Variants in GRB10 observed in about 807,000 individuals in gnomAD.
GRB10 encodes the protein growth factor receptor bound protein 10, also known as growth factor receptor-bound protein 10.
A neutral mutation model predicts 80.9 loss-of-function variants in GRB10; 20 were observed. That is an observed-to-expected ratio of 0.25 (90% confidence interval 0.17 to 0.36). The LOEUF (loss-of-function observed/expected upper bound fraction) is 0.36. GRB10 is among the 10% of genes least tolerant of loss of function. GRB10 has a pLI of 1.00. For synonymous variants in GRB10, 291 were observed against 291.5 expected, an observed-to-expected ratio of 1.00 and a Z score of 0.02; for missense variants, 548 against 747.7, an observed-to-expected ratio of 0.73 and a Z score of 3.12.
chr7:50,595,602 T>TTTACACACACACACAC, intron 17 of GRB10, 72 bp from the exon 18 acceptor site: 2 of 560,268 alleles, frequency 3.6e-6, no homozygotes, highest in East Asian at 7.8e-5. Context: ...CACACTCTCT[T>TTTACACACACACACAC]ACACACACAC....
intron 2 of GRB10, among the ~76,000 whole-genome samples, chr7:50,762,768 A>G (rs2075899185): frequency 6.6e-6 from 1 of 152,228 alleles, no homozygotes; most frequent in Non-Finnish European, 1.5e-5. Context: ...CCTAGAAGCC[A>G]TGAAGAAAAA....
At chr7:50,666,083 G>A (rs767156614) in intron 7 of GRB10, among the ~76,000 whole-genome samples, 2 of 152,210 alleles carry the variant, frequency 1.3e-5, no homozygotes, top group Non-Finnish European at 2.9e-5. Flanking sequence ...GATCCCCAGG[G>A]AGAGGACGCA....
chr7:50,738,490 G>A (rs181459377), intron 3 of GRB10, among the ~76,000 whole-genome samples: 6 of 152,310 alleles, frequency 3.9e-5, no homozygotes, highest in Non-Finnish European at 8.8e-5. Context: ...TCAGGCTGGA[G>A]AGCAGTGGTG....
At chr7:50,641,847 G>A (rs369601237) in intron 7 of GRB10, among the ~76,000 whole-genome samples, 3 of 152,326 alleles carry the variant, frequency 2.0e-5, no homozygotes, top group African/African-American at 7.2e-5. Context: ...GTGGCCTGAG[G>A]ATTTACCGTG....
intron 5 of GRB10, among the ~76,000 whole-genome samples, chr7:50,679,695 G>T (rs925727153): frequency 6.6e-6 from 1 of 152,118 alleles, no homozygotes; most frequent in Non-Finnish European, 1.5e-5. Context: ...AGCTGGGGTG[G>T]GGGTATATCA....
intron 10 of GRB10, among the ~76,000 whole-genome samples, 178 bp from the exon 11 acceptor site, chr7:50,616,525 A>G (rs1217073363): frequency 1.3e-5 from 2 of 152,232 alleles, no homozygotes; most frequent in African/African-American, 2.4e-5. Context: ...TGCATAGAAC[A>G]TAATTCGTAT....
At chr7:50,651,961 G>A (rs552049447) in intron 7 of GRB10, among the ~76,000 whole-genome samples, 1 of 152,304 alleles carries the variant, frequency 6.6e-6, no homozygotes, top group Admixed American at 6.5e-5. Flanking sequence ...ACCCTCACTG[G>A]ACGCCCAGCC....
At chr7:50,687,339 G>A (rs2062220125) in intron 5 of GRB10, among the ~76,000 whole-genome samples, 1 of 152,224 alleles carries the variant, frequency 6.6e-6, no homozygotes, top group Non-Finnish European at 1.5e-5. Context: ...GACCATGCCA[G>A]GCCTCCCTGC....
chr7:50,748,775 A>G (rs2073507607), intron 3 of GRB10, among the ~76,000 whole-genome samples: 1 of 152,206 alleles, frequency 6.6e-6, no homozygotes, highest in Non-Finnish European at 1.5e-5. Flanking sequence ...GGGCAATGAT[A>G]TCCATCTTGA....
chr7:50,788,765 G>A (rs1222376735), intron 1 of GRB10, among the ~76,000 whole-genome samples: 1 of 152,174 alleles, frequency 6.6e-6, no homozygotes, highest in Non-Finnish European at 1.5e-5. Context: ...CATCCCAGGG[G>A]CACATCAGCC....
rs11388561 is a variant in GRB10 at position 50,770,761 on chromosome 7, A to ATT, written c.-217+9864_-217+9865dup. Reference sequence around the variant, plus strand: ...AGTACAAAACAATGACACTCTTCCCATTTTTTTTGTTTTTGAAAATACAGC... The same window carrying ATT: ...AGTACAAAACAATGACACTCTTCCCATTTTTTTTTTGTTTTTGAAAATACAGC... On this transcript the variant is annotated intron_variant, in intron 2 of 18. Transcript: ENST00000401949. 2.0e-4 allele frequency among the ~76,000 whole-genome samples: 31 copies of ATT among 151,796 alleles called. No homozygotes were observed. The East Asian group carries it at 2.9e-3, about 14-fold the overall frequency.
intron 4 of GRB10, among the ~76,000 whole-genome samples, chr7:50,713,545 T>G (rs1163695163): frequency 8.0e-6 from 1 of 125,262 alleles, no homozygotes; most frequent in Non-Finnish European, 1.7e-5. Flanking sequence ...CTCTGCTACC[T>G]CTATCACCTC....
At chr7:50,790,875 A>G (rs1402801526) in intron 1 of GRB10, among the ~76,000 whole-genome samples, 1 of 152,248 alleles carries the variant, frequency 6.6e-6, no homozygotes, top group Non-Finnish European at 1.5e-5. Context: ...TATAGCCTGT[A>G]CCCGGAAAGA....
intron 3 of GRB10, among the ~76,000 whole-genome samples, chr7:50,753,552 A>AT (rs1212590187): frequency 6.6e-6 from 1 of 152,170 alleles, no homozygotes; most frequent in Non-Finnish European, 1.5e-5. Flanking sequence ...ACCATGCCTC[A>AT]TTCAATACCT....
intron 2 of GRB10, among the ~76,000 whole-genome samples, chr7:50,756,597 C>T (rs1178556032): frequency 6.6e-6 from 1 of 152,222 alleles, no homozygotes. Flanking sequence ...GGTTCCAATT[C>T]TGGCTCTGAT....
At chr7:50,741,177 A>T (rs2071669357) in intron 3 of GRB10, among the ~76,000 whole-genome samples, 1 of 152,230 alleles carries the variant, frequency 6.6e-6, no homozygotes, top group Non-Finnish European at 1.5e-5. Context: ...AAACGAGGAA[A>T]ACTAGTTGTT....
At chr7:50,777,351 CTCT>C (rs2077771081) in intron 2 of GRB10, among the ~76,000 whole-genome samples, 1 of 151,764 alleles carries the variant, frequency 6.6e-6, no homozygotes. Context: ...AAGGCCCCAC[CTCT>C]TAATAACATC....
intron 7 of GRB10, among the ~76,000 whole-genome samples, chr7:50,657,528 G>A (rs1472101949): frequency 6.6e-5 from 10 of 152,084 alleles, no homozygotes; most frequent in Non-Finnish European, 1.5e-4. Flanking sequence ...AAATCTTTTC[G>A]GGGATTTCCT....
intron 12 of GRB10, 57 bp downstream of exon 12, chr7:50,614,713 G>A (rs2050216598): frequency 1.9e-6 from 2 of 1,037,164 alleles, no homozygotes; most frequent in Admixed American, 3.4e-5. Context: ...AAGAGAAGAA[G>A]TCAGTCTCCT....
Sources: allele counts gnomAD v4.1 joint callset (sites outside exome capture counted in the v4.1 genomes callset), GRCh38; gene constraint gnomAD v4.1.1; transcripts MANE v1.5; gene names NCBI Gene and HGNC (gene_info 2026-07-23, HGNC 2026-07-21).